The following IDO2 variants were observed in gnomAD, a reference collection of about 807,000 sequenced individuals.
IDO2 encodes the protein indoleamine 2,3-dioxygenase 2.
Under a neutral mutation model 45.1 loss-of-function variants are expected in IDO2, and 46 were observed. That is an observed-to-expected ratio of 1.02 (90% confidence interval 0.80 to 1.30). IDO2 has a LOEUF of 1.30. Among genes scored for constraint, IDO2 ranks in the 50% most tolerant of loss-of-function variants. The pLI is 0.00. For synonymous variants in IDO2, 218 were observed against 184.9 expected (o/e 1.18, Z -1.45); for missense variants, 544 against 491.8 (o/e 1.11, Z -1.00).
chr8:39,990,755 T>A (rs1007617714), intron 8 of IDO2, among the ~76,000 whole-genome samples: 1 of 152,234 alleles, frequency 6.6e-6, no homozygotes, highest in African/African-American at 2.4e-5. Flanking sequence ...AGAATAAATA[T>A]CAGTTTCCAT....
intron 2 of IDO2, among the ~76,000 whole-genome samples, chr8:39,952,210 G>A (rs1807824275): frequency 6.6e-6 from 1 of 152,302 alleles, no homozygotes; most frequent in South Asian, 2.1e-4. Context: ...ACCAGGCAGA[G>A]TGTTGCAAGA....
intron 3 of IDO2, among the ~76,000 whole-genome samples, chr8:39,970,712 G>A (rs72630522): frequency 0.075 from 11,279 of 150,760 alleles, 477 homozygotes; most frequent in Middle Eastern, 0.14. Flanking sequence ...TTAAAAATAG[G>A]TGTTCAATGC....
intron 3 of IDO2, among the ~76,000 whole-genome samples, chr8:39,972,245 A>G (rs1241593125): frequency 6.6e-6 from 1 of 152,250 alleles, no homozygotes; most frequent in Admixed American, 6.5e-5. Flanking sequence ...GAAATGATAA[A>G]AAAAAATTAG....
At chr8:40,012,931 A>G (rs1399345396) in intron 9 of IDO2, among the ~76,000 whole-genome samples, 1 of 152,228 alleles carries the variant, frequency 6.6e-6, no homozygotes, top group Non-Finnish European at 1.5e-5. Flanking sequence ...CCTGTGGTCA[A>G]CAAAGTATTT....
chr8:39,995,192 CTTCTT>C, intron 8 of IDO2: 2 of 74,234 alleles, frequency 2.7e-5, no homozygotes, highest in African/African-American at 1.3e-4. Context: ...TCTTCTTCTT[CTTCTT>C]CTTCTCCTTC....
At chr8:39,973,504 A>G (rs1009587232) in intron 3 of IDO2, among the ~76,000 whole-genome samples, 3 of 152,024 alleles carry the variant, frequency 2.0e-5, no homozygotes, top group African/African-American at 7.2e-5. Context: ...TGAAACAATG[A>G]AATCAGTAAA....
intron 8 of IDO2, among the ~76,000 whole-genome samples, chr8:39,992,586 A>C (rs1440090086): frequency 6.6e-6 from 1 of 152,220 alleles, no homozygotes; most frequent in Non-Finnish European, 1.5e-5. Context: ...CACAAGAAAT[A>C]AAGTTATAAA....
At chr8:39,989,168 C>G (rs1191284488) in intron 7 of IDO2, among the ~76,000 whole-genome samples, 1 of 152,074 alleles carries the variant, frequency 6.6e-6, no homozygotes, top group Non-Finnish European at 1.5e-5. Flanking sequence ...GGAGAGAGAG[C>G]AAAGGGGGGA....
intron 2 of IDO2, among the ~76,000 whole-genome samples, chr8:39,961,537 G>A (rs953494248): frequency 3.9e-5 from 6 of 151,940 alleles, no homozygotes; most frequent in East Asian, 3.9e-4. Flanking sequence ...GGTCAAGCCC[G>A]TCACAAACTC....
chr8:39,973,756 T>TG (rs1475817654), intron 3 of IDO2, among the ~76,000 whole-genome samples: 4 of 151,098 alleles, frequency 2.6e-5, no homozygotes, highest in Admixed American at 2.6e-4. Context: ...TTTTTTTTTT[T>TG]TCTGAGATGG....
At chr8:39,955,301 C>G (rs1233693026) in intron 2 of IDO2, among the ~76,000 whole-genome samples, 1 of 130,984 alleles carries the variant, frequency 7.6e-6, no homozygotes, top group Admixed American at 9.4e-5. Context: ...GTTGCCTAGG[C>G]TGGAGTGCAG....
chr8:39,968,273 T>C (rs1311968883), intron 3 of IDO2, among the ~76,000 whole-genome samples: 2 of 152,204 alleles, frequency 1.3e-5, no homozygotes, highest in South Asian at 2.1e-4. Flanking sequence ...GTCAGGCCTA[T>C]ATTGTATGAT....
chr8:39,983,314 G>C (rs1007451105), intron 5 of IDO2, among the ~76,000 whole-genome samples: 1 of 152,162 alleles, frequency 6.6e-6, no homozygotes, highest in Admixed American at 6.5e-5. Context: ...TAACAAACAA[G>C]AAATTCAACA....
Position 39,947,533 on chromosome 8 carries a change from T to C in IDO2, c.-17-1616T>C, listed in dbSNP as rs552016063. On this transcript the variant is annotated intron_variant, in intron 1 of 10. Coordinates refer to ENST00000502986, the Ensembl canonical transcript of IDO2. ...GTTCCACAAGTTACTTCCTCCTTCCTTTGTTCTCCTCTACCTGTGCCTCTT... is the reference window on the plus strand; with the variant it reads ...GTTCCACAAGTTACTTCCTCCTTCCCTTGTTCTCCTCTACCTGTGCCTCTT... 1.8e-4 allele frequency among the ~76,000 whole-genome samples: 28 copies of C among 152,330 alleles called. No homozygotes were observed. In the South Asian group the frequency reaches 5.8e-3, roughly 32 times the overall value.
chr8:39,992,540 C>T (rs529337878), intron 8 of IDO2, among the ~76,000 whole-genome samples: 17 of 152,240 alleles, frequency 1.1e-4, no homozygotes, highest in Non-Finnish European at 1.6e-4. Flanking sequence ...TTTCACACCT[C>T]TATGTTTGGA....
intron 2 of IDO2, among the ~76,000 whole-genome samples, chr8:39,956,057 G>A (rs1777600744): frequency 7.8e-6 from 1 of 127,938 alleles, no homozygotes; most frequent in African/African-American, 2.7e-5. Flanking sequence ...TGCATTAGAT[G>A]ACTTTTTTTT....
At chr8:39,946,637 C>T (rs1414919345) in intron 1 of IDO2, among the ~76,000 whole-genome samples, 2 of 151,972 alleles carry the variant, frequency 1.3e-5, no homozygotes, top group Admixed American at 6.6e-5. Context: ...ATAACCTCCG[C>T]TCCCTGAATG....
rs760328320 is a variant in IDO2, at chr8:39,985,492, A to G, written c.435-16A>G. 30 of 1,560,432 alleles carry G rather than the reference A, an allele frequency of 1.9e-5. No homozygotes were observed. Among genetic ancestry groups the G allele is most frequent in the Non-Finnish European group, 2.5e-5 (29 of 1,150,546 alleles). On this transcript the variant is annotated splice_polypyrimidine_tract_variant and intron_variant, in intron 5 of 10. Transcript: ENST00000502986. ...TTTTCTCTCTTGGTGGTCATCAATA[A>G]CTGAAATTGGGCTAGATTCCTGGAA... is the stretch of plus-strand genomic sequence containing the variant.
At chr8:39,961,792 A>G (rs1465401145) in intron 2 of IDO2, among the ~76,000 whole-genome samples, 1 of 152,144 alleles carries the variant, frequency 6.6e-6, no homozygotes, top group African/African-American at 2.4e-5. Context: ...TTCTGTTTCA[A>G]TTCTTGTTTC....
Sources: allele counts gnomAD v4.1 joint callset (sites outside exome capture counted in the v4.1 genomes callset), GRCh38; gene constraint gnomAD v4.1.1; transcripts MANE v1.5; gene names NCBI Gene and HGNC (gene_info 2026-07-23, HGNC 2026-07-21).